Variants in GSE1 observed in about 807,000 individuals in gnomAD.
The protein encoded by GSE1 is genetic suppressor element 1.
A neutral mutation model predicts 112.6 loss-of-function variants in GSE1; 32 were observed. The observed-to-expected ratio is 0.28, with a 90% CI of 0.21 to 0.38. GSE1 has a LOEUF of 0.38. Among genes scored for constraint, GSE1 ranks in the 10% least tolerant of loss-of-function variants. The pLI is 1.00. For missense variants in GSE1, 2,348 were observed against 1,699.2 expected (o/e 1.38, Z -6.71); for synonymous variants, 1,115 against 735.6 (o/e 1.52, Z -8.35).
At chr16:85,656,052 G>T in intron 6 of GSE1, 135 bp downstream of exon 6, 2 of 720,580 alleles carry the variant, frequency 2.8e-6, no homozygotes, top group Non-Finnish European at 4.5e-6. Context: ...CTGCCAAATG[G>T]GACAATGATC....
At chr16:85,379,329 T>C (rs965789890) in intron 2 of GSE1, among the ~76,000 whole-genome samples, 4 of 152,180 alleles carry the variant, frequency 2.6e-5, no homozygotes, top group Non-Finnish European at 4.4e-5. Flanking sequence ...GTTTTGCTCC[T>C]CTCCATCACC....
chr16:85,246,333 C>CACACACACA (rs1567636056), intron 1 of GSE1, among the ~76,000 whole-genome samples: 4 of 31,558 alleles, frequency 1.3e-4, no homozygotes, highest in East Asian at 1.9e-3. Flanking sequence ...ACACACACAC[C>CACACACACA]CCCCACACGC....
At chr16:85,605,325 C>G (rs1049605641) in intron 1 of GSE1, among the ~76,000 whole-genome samples, 1 of 152,048 alleles carries the variant, frequency 6.6e-6, no homozygotes, top group Non-Finnish European at 1.5e-5. Flanking sequence ...TGCTCTCACT[C>G]TAGGCCCAAT....
chr16:85,333,342 AG>A (rs1331196445), intron 1 of GSE1, among the ~76,000 whole-genome samples: 1 of 152,160 alleles, frequency 6.6e-6, no homozygotes, highest in African/African-American at 2.4e-5. Context: ...CCCTCCCAGC[AG>A]CCCCAGAGGC....
rs555221342 is a variant in GSE1 at position 85,237,570 on chromosome 16, G to A, written c.2283+65763G>A. On this transcript the variant is annotated intron_variant, in intron 1 of 2. Coordinates refer to the GSE1 transcript ENST00000637419. ...GTGAGTGAATGAGGCTGGGCACGGT[G>A]GCTCACACCTGTAATCCCAGCACTT... Among the ~76,000 whole-genome samples the A allele has an allele frequency of 3.7e-3, 565 of 152,158 alleles. 8 individuals carry two copies. Among genetic ancestry groups the A allele is most frequent in the South Asian group, 0.029 (140 of 4,816 alleles).
chr16:85,321,322 G>A (rs1008904193), intron 1 of GSE1, among the ~76,000 whole-genome samples: 2 of 152,200 alleles, frequency 1.3e-5, no homozygotes, highest in Admixed American at 6.5e-5. Flanking sequence ...CACAAGGAGA[G>A]AGGAGGGCGA....
chr16:85,261,521 A>T (rs570832593), intron 1 of GSE1, among the ~76,000 whole-genome samples: 1 of 152,288 alleles, frequency 6.6e-6, no homozygotes, highest in South Asian at 2.1e-4. Flanking sequence ...GCTGGTTCTG[A>T]CTGACAGGAG....
chr16:85,177,913 C>T (rs2074500579), intron 1 of GSE1, among the ~76,000 whole-genome samples: 1 of 152,180 alleles, frequency 6.6e-6, no homozygotes, highest in African/African-American at 2.4e-5. Flanking sequence ...CCTGTGTGAG[C>T]CTCTACCCTC....
chr16:85,252,481 C>T (rs1906596355), intron 1 of GSE1, among the ~76,000 whole-genome samples: 1 of 152,236 alleles, frequency 6.6e-6, no homozygotes, highest in African/African-American at 2.4e-5. Context: ...TCAAATTTCC[C>T]CTGAGCCCCT....
intron 2 of GSE1, among the ~76,000 whole-genome samples, chr16:85,504,742 G>A (rs1354844991): frequency 1.3e-5 from 2 of 152,248 alleles, no homozygotes; most frequent in East Asian, 1.9e-4. Flanking sequence ...TACAGAAAAC[G>A]TTGACTCAAA....
chr16:85,237,710 C>T (rs1024096592), intron 1 of GSE1, among the ~76,000 whole-genome samples: 1 of 151,898 alleles, frequency 6.6e-6, no homozygotes, highest in Non-Finnish European at 1.5e-5. Flanking sequence ...TGGTGGCGGG[C>T]GCCTGTAGTC....
intron 1 of GSE1, among the ~76,000 whole-genome samples, chr16:85,226,786 TG>T: frequency 6.7e-6 from 1 of 148,556 alleles, no homozygotes; most frequent in Non-Finnish European, 1.5e-5. Flanking sequence ...TGTGTGTGTG[TG>T]TGTGTGTGTG....
chr16:85,180,208 A>G (rs1308315669), intron 1 of GSE1, among the ~76,000 whole-genome samples: 1 of 152,232 alleles, frequency 6.6e-6, no homozygotes, highest in African/African-American at 2.4e-5. Flanking sequence ...CGAGAGGTGC[A>G]GAACCTCATT....
chr16:85,457,429 A>G (rs1161057327), intron 2 of GSE1, among the ~76,000 whole-genome samples: 1 of 152,204 alleles, frequency 6.6e-6, no homozygotes, highest in Admixed American at 6.5e-5. Flanking sequence ...ATGGTCCCTG[A>G]CCTGGGGCAG....
rs147964389 is a variant in GSE1 at position 85,486,024 on chromosome 16, T to C, written c.2464+128381T>C. ...CTGCTAGGGGGTGTCATGGCCCCAT[T>C]CTACAGATGGGGACGTAACGGCAGC... On this transcript the variant is annotated intron_variant, in intron 2 of 2. Coordinates refer to the GSE1 transcript ENST00000637419. 2.0e-3 allele frequency among the ~76,000 whole-genome samples: 302 copies of C among 152,286 alleles called. 1 individual carries two copies. The highest frequency in any genetic ancestry group is 6.2e-3 in the African/African-American group (257 of 41,558).
intron 2 of GSE1, among the ~76,000 whole-genome samples, chr16:85,641,323 G>A (rs1032224676): frequency 2.0e-5 from 3 of 152,198 alleles, no homozygotes; most frequent in East Asian, 1.9e-4. Context: ...CCGGCAAAAC[G>A]CATCTCCAGC....
chr16:85,665,166 C>G, intron 12 of GSE1, 38 bp downstream of exon 12: 1 of 1,263,584 alleles, frequency 7.9e-7, no homozygotes, highest in South Asian at 1.2e-5. Flanking sequence ...CCACCCAGGA[C>G]CATCCCATGG....
At chr16:85,210,546 A>T (rs2075207393) in intron 1 of GSE1, among the ~76,000 whole-genome samples, 1 of 152,116 alleles carries the variant, frequency 6.6e-6, no homozygotes, top group African/African-American at 2.4e-5. Context: ...CTGTGATTGC[A>T]CCACTGTGCT....
chr16:85,285,115 C>T (rs2044979942), intron 1 of GSE1: 1 of 152,194 alleles, frequency 6.6e-6, no homozygotes, highest in Non-Finnish European at 1.5e-5. Context: ...GGGACAATGG[C>T]CAGGTGAAGC....
Sources: gnomAD v4.1 joint callset for allele counts (sites outside exome capture counted in the v4.1 genomes callset) on GRCh38, gnomAD v4.1.1 for gene constraint, MANE v1.5 for transcripts, NCBI Gene and HGNC (gene_info 2026-07-23, HGNC 2026-07-21) for gene names.